Variants in RET observed in about 807,000 individuals in gnomAD.
RET encodes the protein ret proto-oncogene, also known as proto-oncogene tyrosine-protein kinase receptor Ret.
Under a neutral mutation model 118.3 loss-of-function variants are expected in RET, and 19 were observed. The observed-to-expected ratio is 0.16, with a 90% CI of 0.11 to 0.24. The LOEUF is 0.24. RET is among the 10% of genes least tolerant of loss of function. RET has a pLI of 1.00. For missense variants in RET, 1,219 were observed against 1,502.1 expected, an observed-to-expected ratio of 0.81 and a Z score of 3.12; for synonymous variants, 597 against 644.1, an observed-to-expected ratio of 0.93 and a Z score of 1.11.
At chr10:43,085,993 C>T (rs996154505) in intron 1 of RET, among the ~76,000 whole-genome samples, 1 of 152,204 alleles carries the variant, frequency 6.6e-6, no homozygotes, top group Non-Finnish European at 1.5e-5. Context: ...TAAGAGCAGA[C>T]CCTCAAGCCT....
chr10:43,112,651 C>T (rs1837965926), intron 8 of RET, among the ~76,000 whole-genome samples: 1 of 152,192 alleles, frequency 6.6e-6, no homozygotes, highest in African/African-American at 2.4e-5. Context: ...TAAGGGCCAC[C>T]TGTGTGAGGA....
At chr10:43,110,992 C>T (rs1411355972) in intron 6 of RET, among the ~76,000 whole-genome samples, 1 of 151,960 alleles carries the variant, frequency 6.6e-6, no homozygotes, top group Non-Finnish European at 1.5e-5. Flanking sequence ...CAGCTGGTAA[C>T]ATGTGGCCTG....
In RET at chr10:43,099,826, C is replaced by T. The variant is rs116730575; in HGVS notation, c.74-633C>T. ...CCTTGGCATGGTTTGTGTGTGTGAC[C>T]CATCCAGGTGTTTGCGTGTATCCAT... On this transcript the variant is annotated intron_variant, in intron 1 of 19. Transcript: ENST00000355710. Among the ~76,000 whole-genome samples, 459 of 152,284 alleles carry T rather than the reference C, an allele frequency of 3.0e-3. 6 individuals are homozygous for T. The highest frequency in any genetic ancestry group is 0.01 in the African/African-American group (432 of 41,546).
intron 6 of RET, among the ~76,000 whole-genome samples, chr10:43,109,799 A>G (rs3026745): frequency 2.9e-5 from 2 of 69,522 alleles, no homozygotes; most frequent in African/African-American, 3.9e-5. Context: ...AATATTCATT[A>G]AAGAAGATGA....
At chr10:43,085,711 G>T (rs1837275196) in intron 1 of RET, among the ~76,000 whole-genome samples, 2 of 126,638 alleles carry the variant, frequency 1.6e-5, no homozygotes, top group South Asian at 5.4e-4. Context: ...GGTAGTGTCA[G>T]ATGAAGACTT....
chr10:43,091,392 G>A (rs1837406675), intron 1 of RET, among the ~76,000 whole-genome samples: 1 of 151,942 alleles, frequency 6.6e-6, no homozygotes, highest in Non-Finnish European at 1.5e-5. Context: ...ACTTGGGGAG[G>A]CTCACGCAGG....
chr10:43,079,028 G>C (rs552161542), intron 1 of RET, among the ~76,000 whole-genome samples: 10 of 152,216 alleles, frequency 6.6e-5, no homozygotes, highest in African/African-American at 2.4e-4. Context: ...AGCTGCCAAG[G>C]ACCGCCCCAG....
chr10:43,118,898 A>G (rs971851023), intron 13 of RET, among the ~76,000 whole-genome samples: 3 of 152,230 alleles, frequency 2.0e-5, no homozygotes, highest in African/African-American at 7.2e-5. Context: ...CCTGCATGGC[A>G]GGAACATTGT....
chr10:43,082,478 AG>A (rs1398748183), intron 1 of RET, among the ~76,000 whole-genome samples: 3 of 152,198 alleles, frequency 2.0e-5, no homozygotes, highest in African/African-American at 4.8e-5. Flanking sequence ...CCCTGATATC[AG>A]GGATACCTGG....
chr10:43,122,454 G>T (rs1412748360), intron 16 of RET, among the ~76,000 whole-genome samples: 1 of 152,216 alleles, frequency 6.6e-6, no homozygotes, highest in East Asian at 1.9e-4. Flanking sequence ...AGATGGCCTT[G>T]TGTGAGTTTA....
At chr10:43,112,339 C>A in intron 8 of RET, 115 bp downstream of exon 8, 1 of 1,451,596 alleles carries the variant, frequency 6.9e-7, no homozygotes, top group South Asian at 1.2e-5. Flanking sequence ...CTGCTTCTGG[C>A]ACCTCATCCC....
In RET at chr10:43,082,432, C is replaced by T. The variant is rs541623112; in HGVS notation, c.73+5101C>T. ...TCACCGCTGCACCTGGACAGGTGTG[C>T]GCCTACCTGGTGGACCAGCGGGCAT... On this transcript the variant is annotated intron_variant, in intron 1 of 19. Transcript: ENST00000355710. Among the ~76,000 whole-genome samples the T allele has an allele frequency of 1.6e-4, 25 of 152,346 alleles. No homozygotes were observed. The South Asian group carries it at 2.1e-3, about 13-fold the overall frequency.
At chr10:43,081,497 C>T (rs12764067) in intron 1 of RET, among the ~76,000 whole-genome samples, 1 of 152,130 alleles carries the variant, frequency 6.6e-6, no homozygotes, top group Non-Finnish European at 1.5e-5. Flanking sequence ...GGGGCGGGGA[C>T]TGGGCAGTGA....
chr10:43,119,634 C>G lies in RET; in HGVS notation c.2496C>G (p.Ser832Arg), dbSNP rs764979358. The G allele has an allele frequency of 8.7e-6, 14 of 1,612,992 alleles. No homozygotes were observed. The highest frequency in any genetic ancestry group is 1.1e-5 in the South Asian group (1 of 91,086). Residue 832 changes from serine (S) to arginine (R), a missense_variant, in exon 14 of 20, where the codon AGC (serine) becomes AGG (arginine). Coordinates refer to ENST00000355710, the MANE Select transcript of RET (RefSeq NM_020975.6). ...CTGGCTACCTGGGCAGTGGAGGCAG[C>G]CGCAACTCCAGCTCCCTGGACCACC... is the stretch of plus-strand genomic sequence containing the variant. ...VGPGYLGSGG[S>R]RNSSSLDHPD... is the part of the protein sequence containing the mutation.
chr10:43,124,731 C>A, intron 17 of RET, 152 bp from the exon 18 acceptor site: 1 of 800,316 alleles, frequency 1.2e-6, no homozygotes, highest in Non-Finnish European at 2.1e-6. Context: ...CCACGAGGCT[C>A]AGAGATGTCA....
At chr10:43,128,063 G>C (rs780443285) in intron 19 of RET, 49 bp from the exon 20 acceptor site, 2 of 1,606,036 alleles carry the variant, frequency 1.2e-6, no homozygotes, top group Non-Finnish European at 1.7e-6. Flanking sequence ...GTCTGCACTT[G>C]AAGTTTTGGT....
Position 43,114,868 on chromosome 10 carries a change from G to T in RET, c.2136+132G>T, listed in dbSNP as rs2132858609. The T allele has an allele frequency of 2.0e-6, 2 of 1,002,880 alleles. No homozygotes were observed. Among genetic ancestry groups the T allele is most frequent in the East Asian group, 2.6e-5 (1 of 38,112 alleles). 62.1% of individuals were successfully genotyped at this position (1,002,880 alleles called of 1,614,324 possible). ...GCTGGGCAGACGAGGCCTGTGTTCT[G>T]CCCCCATTTCCATAGGGCGCTGTGT... On this transcript the variant is annotated intron_variant, in intron 11 of 19. Transcript: ENST00000355710. This position sits in a 1 kb window ranked among gnomAD's most constrained non-coding sequence, Gnocchi z 4.6.
At chr10:43,079,913 G>A (rs1053661586) in intron 1 of RET, among the ~76,000 whole-genome samples, 9 of 152,194 alleles carry the variant, frequency 5.9e-5, no homozygotes, top group Admixed American at 3.9e-4. Flanking sequence ...AGGTTCACCT[G>A]GGCCTGGCTT....
At chr10:43,087,043 T>C (rs1837304939) in intron 1 of RET, among the ~76,000 whole-genome samples, 1 of 152,362 alleles carries the variant, frequency 6.6e-6, no homozygotes, top group Admixed American at 6.5e-5. Flanking sequence ...CTGGTTGCAG[T>C]TCTACCATGG....
Sources: gnomAD v4.1 joint callset for allele counts (sites outside exome capture counted in the v4.1 genomes callset) on GRCh38, gnomAD v4.1.1 for gene constraint, Gnocchi (gnomAD v3.1) non-coding constraint, MANE v1.5 for transcripts, NCBI Gene and HGNC (gene_info 2026-07-23, HGNC 2026-07-21) for gene names.